Variants in EIF2B4 observed in about 807,000 individuals in gnomAD.
EIF2B4 encodes the protein translation initiation factor eIF2B subunit delta.
In EIF2B4, 34 loss-of-function variants were observed where a neutral mutation model predicts 66.7. That is an observed-to-expected ratio of 0.51 (90% CI 0.39 to 0.68). EIF2B4 has a LOEUF of 0.68. Ranked by LOEUF, EIF2B4 falls within the 30% of genes least tolerant of loss-of-function variation. The pLI is 0.00. For missense variants in EIF2B4, 618 were observed against 657.9 expected, an observed-to-expected ratio of 0.94 and a Z score of 0.66; for synonymous variants, 278 against 253.6, an observed-to-expected ratio of 1.10 and a Z score of -0.92.
rs1251716355 is a variant in EIF2B4 at position 27,368,268 on chromosome 2, A to G, written c.590+104T>C. 4 of 1,353,198 alleles carry G rather than the reference A, an allele frequency of 3.0e-6. No individual in the cohort carries two copies. In the African/African-American group the frequency reaches 4.3e-5, roughly 15 times the overall value. 83.8% of individuals were successfully genotyped at this position (1,353,198 alleles called of 1,614,324 possible). On this transcript the variant is annotated intron_variant, in intron 6 of 12. Coordinates refer to ENST00000347454, the MANE Select transcript of EIF2B4 (RefSeq NM_001034116.2). ...TCCTCTACAGTTCTGCCTTGGGTTC[A>G]TACTTTTTCCTACAGAGTCCATCTC...
At position 27,370,139 on chromosome 2, in the gene EIF2B4, G is replaced by A. The variant is rs550339577; in HGVS notation, c.31+145C>T. 1.6e-3 allele frequency: 2,429 copies of A among 1,531,590 alleles called. 4 individuals carry two copies. Among genetic ancestry groups the A allele is most frequent in the Middle Eastern group, 3.6e-3 (21 of 5,900 alleles). 94.9% of individuals were successfully genotyped at this position (1,531,590 alleles called of 1,614,324 possible). A position where few individuals can be genotyped will look rare whatever the true frequency, so the allele number is the denominator to read the frequency against. On this transcript the variant is annotated intron_variant, in intron 1 of 12. Transcript: ENST00000347454. ...CAGCAACCAGCCGGTGCGCGGCGCG[G>A]GACTGCGCTCGAGACTGTGTAGACC...
At chr2:27,365,806 AAT>A (rs1681804078) in intron 11 of EIF2B4, 1 of 152,170 alleles carries the variant, frequency 6.6e-6, no homozygotes, top group South Asian at 2.1e-4. Context: ...AGTTTAATGT[AAT>A]GTTTTTGCAA....
At position 27,369,760 on chromosome 2, in the gene EIF2B4, TCTC is replaced by T. The variant is rs1682221032; in HGVS notation, c.75+113_75+115del. The T allele has an allele frequency of 3.4e-6, 5 of 1,459,088 alleles. No homozygotes were observed. In the East Asian group the frequency reaches 7.4e-5, roughly 22 times the overall value. 90.4% of individuals were successfully genotyped at this position (1,459,088 alleles called of 1,614,324 possible). ...CTAGGGTTGCAAGACCTCTGTAAAA[TCTC>T]CTGGCTTTACTGAGAAATAAACCGA... On this transcript the variant is annotated intron_variant, in intron 2 of 12. Coordinates refer to ENST00000347454, the MANE Select transcript of EIF2B4 (RefSeq NM_001034116.2).
intron 8 of EIF2B4, 50 bp downstream of exon 8, chr2:27,367,696 C>A: frequency 6.3e-7 from 1 of 1,592,800 alleles, no homozygotes; most frequent in Non-Finnish European, 8.6e-7. Context: ...AAAAAGAGTA[C>A]AAGACAAAGA....
At chr2:27,369,838 G>C in intron 2 of EIF2B4, 38 bp downstream of exon 2, 1 of 1,554,684 alleles carries the variant, frequency 6.4e-7, no homozygotes, top group East Asian at 2.4e-5. Context: ...CTCCTGCGTA[G>C]CGCTTGGCAG....
Position 27,369,431 on chromosome 2 carries a change from G to A in EIF2B4, c.194C>T (p.Ser65Phe). ...TCACTCACCTTGACATTGGGCTGCA[G>A]ATACAGCAGAGCCAGTCTCTGGTTC... ...GAEPETGSAV[S>F]AAQCQVGPTR... Residue 65 changes from serine to phenylalanine, a missense_variant, in exon 3 of 13, where the codon TCT becomes TTT. Physicochemically the swap from Ser to Phe is radical, Grantham distance 155. Coordinates refer to ENST00000347454, the MANE Select transcript of EIF2B4 (RefSeq NM_001034116.2). 5 of 1,614,070 alleles carry A rather than the reference G, an allele frequency of 3.1e-6. No individual in the cohort carries two copies. The highest frequency in any genetic ancestry group is 4.2e-6 in the Non-Finnish European group (5 of 1,180,030).
At chr2:27,365,139 C>T (rs1351839623) in intron 11 of EIF2B4, 4 of 440,186 alleles carry the variant, frequency 9.1e-6, no homozygotes, top group Middle Eastern at 6.8e-4. Flanking sequence ...TCACCACAAC[C>T]TCTGCCTCCT....
chr2:27,370,233 C>T lies in EIF2B4; in HGVS notation c.31+51G>A, dbSNP rs367784417. The T allele has an allele frequency of 1.7e-4, 255 of 1,542,216 alleles. 1 individual carries two copies. The African/African-American group carries it at 3.1e-3, about 19-fold the overall frequency. Reference sequence around the variant, plus strand: ...CGCTCAAGGCCCGGCACTAGCTGTCCGGAGCTCGTCGGCTCCGCGTACCAG... The same window carrying T: ...CGCTCAAGGCCCGGCACTAGCTGTCTGGAGCTCGTCGGCTCCGCGTACCAG... On this transcript the variant is annotated intron_variant, in intron 1 of 12. Transcript: ENST00000347454.
intron 6 of EIF2B4, 44 bp from the exon 7 acceptor site, chr2:27,368,183 C>CA (rs757260632): frequency 5.4e-6 from 8 of 1,481,416 alleles, no homozygotes; most frequent in Non-Finnish European, 6.5e-6. Flanking sequence ...GGAGCTTGAG[C>CA]ATCTACTGCC....
intron 6 of EIF2B4, 46 bp downstream of exon 6, chr2:27,368,326 A>T (rs1486943648): frequency 6.5e-7 from 1 of 1,549,568 alleles, no homozygotes; most frequent in Non-Finnish European, 8.9e-7. Flanking sequence ...CTGACTTACT[A>T]AAACTCCTCA....
intron 3 of EIF2B4, 64 bp downstream of exon 3, chr2:27,369,350 C>T (rs1682157364): frequency 6.2e-7 from 1 of 1,612,160 alleles, no homozygotes; most frequent in Admixed American, 1.7e-5. Flanking sequence ...TCTCCCTTAT[C>T]TCTCCCACCA....
At position 27,366,848 on chromosome 2, in the gene EIF2B4, C is replaced by T. The variant is rs768160292; in HGVS notation, c.1102G>A (p.Glu368Lys). ...AGAGAACGTAGTGTGTGCCTTCCTT[C>T]CAGCCATGGCCGGCTGTCCACCACT... ...VVVVDSRPWL[E>K]GRHTLRSLVH... The change falls in exon 11 of 13, where the codon GAA (glutamate) becomes AAA (lysine). Residue 368 changes from glutamate (E) to lysine (K), a missense_variant. Glu to Lys is a moderately conservative substitution (Grantham distance 56). Coordinates refer to ENST00000347454, the MANE Select transcript of EIF2B4 (RefSeq NM_001034116.2). The T allele has an allele frequency of 3.1e-6, 5 of 1,614,180 alleles. No individual in the cohort carries two copies. The South Asian group carries it at 4.4e-5, about 14-fold the overall frequency.
At position 27,367,536 on chromosome 2, in the gene EIF2B4, A is replaced by C. The variant is rs113994031; in HGVS notation, c.806T>G (p.Leu269Arg). ...GATGGCGTTGTGCATGCTCGCTGAC[A>C]GGGGACGGCACTGAGTCAGGAAGCT... ...YMSFLTQCRP[L>R]SASMHNAIKF... is the part of the protein sequence containing the mutation. Residue 269 changes from leucine to arginine, a missense_variant, in exon 9 of 13, where the codon CTG (leucine) becomes CGG (arginine). Around this residue, in one of 4 missense-constraint regions of EIF2B4, gnomAD observed 506 missense variants for 511.9 expected, o/e 0.99. Transcript: ENST00000347454. 2.5e-6 allele frequency: 4 copies of C among 1,614,128 alleles called. No individual in the cohort carries two copies. The highest frequency in any genetic ancestry group is 2.2e-5 in the East Asian group (1 of 44,886).
intron 11 of EIF2B4, 30 bp from the exon 12 acceptor site, chr2:27,364,928 AT>A (rs1457508660): frequency 6.2e-7 from 1 of 1,609,766 alleles, no homozygotes; most frequent in Non-Finnish European, 8.5e-7. Flanking sequence ...GAAGAAAAAA[AT>A]GTCATTGTTG....
chr2:27,367,062 T>C lies in EIF2B4; in HGVS notation c.1013+12A>G. ...ACTCCCAATCTGCTCAGTCACAAGG[T>C]CTGGACCATACCATCCATATACCAG... On this transcript the variant is annotated intron_variant, in intron 10 of 12. Transcript: ENST00000347454. 1 of 1,614,176 alleles carries C rather than the reference T, an allele frequency of 6.2e-7. No individual in the cohort carries two copies. The highest frequency in any genetic ancestry group is 8.5e-7 in the Non-Finnish European group (1 of 1,180,046).
rs770574434 is a variant in EIF2B4 at position 27,368,082 on chromosome 2, C to G, written c.648G>C (p.Gln216His). The G allele has an allele frequency of 6.2e-7, 1 of 1,601,382 alleles. No homozygotes were observed. The highest frequency in any genetic ancestry group is 1.3e-5 in the African/African-American group (1 of 74,698). Residue 216 changes from glutamine (Q) to histidine (H), a missense_variant, in exon 7 of 13, where the codon CAG (glutamine) becomes CAC (histidine). Transcript: ENST00000347454. ...AMVRLGLQYSQGLVSGSNARC... is the reference protein window; with the variant it reads ...AMVRLGLQYSHGLVSGSNARC... ...GGGCATTGGAGCCACTGACCAGGCCCTGGGAGTACTGCAGGCCGAGTCGCA... is the reference window on the plus strand; with the variant it reads ...GGGCATTGGAGCCACTGACCAGGCCGTGGGAGTACTGCAGGCCGAGTCGCA...
chr2:27,365,445 C>T lies in EIF2B4; in HGVS notation c.1192-547G>A, dbSNP rs60753980. 8 of 157,958 alleles carry T rather than the reference C, an allele frequency of 5.1e-5. No individual in the cohort carries two copies. In the East Asian group the frequency reaches 1.3e-3, roughly 25 times the overall value. 9.8% of individuals were successfully genotyped at this position (157,958 alleles called of 1,614,324 possible). On this transcript the variant is annotated intron_variant, in intron 11 of 12. Transcript: ENST00000347454. ...AGGCTGGAGTGCAGTGGCATGATCTCGGCTCACTGCAAGCTCTGCCTCCTG... is the reference window on the plus strand; with the variant it reads ...AGGCTGGAGTGCAGTGGCATGATCTTGGCTCACTGCAAGCTCTGCCTCCTG...
chr2:27,369,761 C>A, intron 2 of EIF2B4, 115 bp downstream of exon 2: 1 of 1,467,596 alleles, frequency 6.8e-7, no homozygotes, highest in Non-Finnish European at 9.2e-7. Flanking sequence ...TCTGTAAAAT[C>A]TCCTGGCTTT....
At chr2:27,367,423 G>A in intron 9 of EIF2B4, 34 bp downstream of exon 9, 1 of 1,612,022 alleles carries the variant, frequency 6.2e-7, no homozygotes, top group Non-Finnish European at 8.5e-7. Flanking sequence ...TTTACCCACA[G>A]GTGCATGCCT....
Sources: gnomAD v4.1 joint callset for allele counts on GRCh38, gnomAD v4.1.1 for gene constraint, gnomAD v4.1.1 regional missense constraint, MANE v1.5 for transcripts, NCBI Gene and HGNC (gene_info 2026-07-23, HGNC 2026-07-21) for gene names.